MLXIP: variants seen among roughly 807,000 people sequenced by gnomAD.
MLXIP encodes the protein MLX-interacting protein.
In MLXIP, 30 loss-of-function variants were observed where a neutral mutation model predicts 87.2. The observed-to-expected ratio is 0.34, with a 90% CI of 0.26 to 0.47. The LOEUF is 0.47. Among genes scored for constraint, MLXIP ranks in the 20% least tolerant of loss-of-function variants. The pLI, the probability that MLXIP is intolerant of heterozygous loss-of-function variation, is 1.00. For missense variants in MLXIP, 1,002 were observed against 1,240.1 expected (o/e 0.81, Z 2.88); for synonymous variants, 530 against 514.0 (o/e 1.03, Z -0.42).
chr12:122,137,797 C>A lies in MLXIP; in HGVS notation c.2154+207C>A. 1 of 332,130 alleles carries A rather than the reference C, an allele frequency of 3.0e-6. No individual in the cohort carries two copies. The highest frequency in any genetic ancestry group is 4.3e-6 in the Non-Finnish European group (1 of 232,820). 20.6% of individuals were successfully genotyped at this position (332,130 alleles called of 1,614,324 possible). A position where few individuals can be genotyped will look rare whatever the true frequency, so the allele number is the denominator to read the frequency against. ...CCCCTGGAGGCTTTTGGGTGAGCCC[C>A]AAGCCTGGGAGCCAACGCTGAGTCC... is the stretch of plus-strand genomic sequence containing the variant. On this transcript the variant is annotated intron_variant, in intron 12 of 16. Coordinates refer to ENST00000319080, the MANE Select transcript of MLXIP (RefSeq NM_014938.6). The surrounding 1 kb of genome is among the most constrained non-coding windows in gnomAD (Gnocchi z 4.1).
intron 1 of MLXIP, among the ~76,000 whole-genome samples, chr12:122,101,951 A>G (rs1343328967): frequency 6.6e-6 from 1 of 152,166 alleles, no homozygotes; most frequent in African/African-American, 2.4e-5. Flanking sequence ...ATATTTGTAT[A>G]TGGTGTGAGG....
At chr12:122,092,322 C>G (rs1248224733) in intron 1 of MLXIP, among the ~76,000 whole-genome samples, 1 of 152,132 alleles carries the variant, frequency 6.6e-6, no homozygotes, top group Admixed American at 6.6e-5. Flanking sequence ...TGGTCTTGAA[C>G]TCCCAAGCTC....
intron 1 of MLXIP, among the ~76,000 whole-genome samples, chr12:122,092,544 A>T (rs2135907199): frequency 6.6e-6 from 1 of 152,250 alleles, no homozygotes; most frequent in Non-Finnish European, 1.5e-5. Flanking sequence ...GGAGACGGTT[A>T]GTTACTCTGA....
intron 7 of MLXIP, among the ~76,000 whole-genome samples, chr12:122,131,441 CTTTTTTTTTTTTTTTT>C (rs1174308802): frequency 1.3e-5 from 1 of 76,546 alleles, no homozygotes; most frequent in Non-Finnish European, 2.4e-5. Context: ...TTGTTTGAGT[CTTTTTTTTTTTTTTTT>C]TTTTTTTTTA....
At chr12:122,125,791 G>A (rs531687586) in intron 1 of MLXIP, among the ~76,000 whole-genome samples, 1 of 152,192 alleles carries the variant, frequency 6.6e-6, no homozygotes, top group South Asian at 2.1e-4. Flanking sequence ...ATTTTTCTGG[G>A]GGAGTCATAA....
chr12:122,104,376 A>T (rs1266086715), intron 1 of MLXIP, among the ~76,000 whole-genome samples: 1 of 152,134 alleles, frequency 6.6e-6, no homozygotes, highest in African/African-American at 2.4e-5. Flanking sequence ...TTGTATAAAT[A>T]GAATCAGACA....
intron 1 of MLXIP, among the ~76,000 whole-genome samples, chr12:122,100,285 G>A (rs187508268): frequency 1.3e-5 from 2 of 152,294 alleles, no homozygotes; most frequent in East Asian, 3.9e-4. Flanking sequence ...TGGGATTAAG[G>A]TTGGCTTGCT....
chr12:122,097,469 A>T (rs941451503), intron 1 of MLXIP, among the ~76,000 whole-genome samples: 7 of 151,728 alleles, frequency 4.6e-5, no homozygotes, highest in African/African-American at 1.7e-4. Flanking sequence ...AAAACTAAAA[A>T]ATTAGCCAGG....
chr12:122,146,512 G>A lies in MLXIP; in HGVS notation c.*4700G>A, dbSNP rs1953303432. The A allele has an allele frequency of 6.6e-6, 1 of 152,184 alleles. No homozygotes were observed. The highest frequency in any genetic ancestry group is 2.4e-5 in the African/African-American group (1 of 41,422). The allele number at this position is 152,184 out of a possible 1,614,324, so 9.4% of individuals were successfully genotyped here. A position where few individuals can be genotyped will look rare whatever the true frequency, so the allele number is the denominator to read the frequency against. ...TGTGGGCTTTTCATTCTGAGGTCTT[G>A]GCCCCCCTGGCCACCGCAAGGGACT... is the stretch of plus-strand genomic sequence containing the variant. On this transcript the variant is annotated 3_prime_UTR_variant, in exon 17 of 17. Coordinates refer to ENST00000319080, the MANE Select transcript of MLXIP (RefSeq NM_014938.6).
chr12:122,146,625 T>G lies in MLXIP; in HGVS notation c.*4813T>G, dbSNP rs552829816. 1 of 142,086 alleles carries G rather than the reference T, an allele frequency of 7.0e-6. No individual in the cohort carries two copies. The highest frequency in any genetic ancestry group is 2.5e-5 in the African/African-American group (1 of 40,518). 8.8% of individuals were successfully genotyped at this position (142,086 alleles called of 1,614,324 possible). A position where few individuals can be genotyped will look rare whatever the true frequency, so the allele number is the denominator to read the frequency against. ...AATGTTGACTTTGTGTGTATGCGTG[T>G]GTGTGTGTGTGTGTGCACGCGCGCG... On this transcript the variant is annotated 3_prime_UTR_variant, in exon 17 of 17. Coordinates refer to ENST00000319080, the MANE Select transcript of MLXIP (RefSeq NM_014938.6).
In MLXIP at chr12:122,135,445, G is replaced by A. The variant is rs375728484; in HGVS notation, c.1855-44G>A. 6.2e-7 allele frequency: 1 copy of A among 1,608,230 alleles called. No homozygotes were observed. Among genetic ancestry groups the A allele is most frequent in the African/African-American group, 1.3e-5 (1 of 74,882 alleles). The stretch of plus-strand genomic sequence containing the variant: ...GAGACGACTGGTGTGCCGCCCTGCT[G>A]TATATCAGCAGTCAGGGGTGACCTG... On this transcript the variant is annotated intron_variant, in intron 10 of 16. Coordinates refer to ENST00000319080, the MANE Select transcript of MLXIP (RefSeq NM_014938.6). This position sits in a 1 kb window ranked among gnomAD's most constrained non-coding sequence, Gnocchi z 5.3.
intron 1 of MLXIP, among the ~76,000 whole-genome samples, chr12:122,084,690 G>A (rs1278078743): frequency 6.6e-6 from 1 of 152,102 alleles, no homozygotes; most frequent in Non-Finnish European, 1.5e-5. Flanking sequence ...GGGATTACAG[G>A]TATGCATCAC....
chr12:122,095,747 T>G (rs943208503), intron 1 of MLXIP, among the ~76,000 whole-genome samples: 2 of 152,026 alleles, frequency 1.3e-5, no homozygotes, highest in Admixed American at 6.6e-5. Flanking sequence ...AAGAAAGAAA[T>G]AAAAATTACA....
Position 122,140,701 on chromosome 12 carries a change from T to C in MLXIP, c.2509-253T>C. 3 of 576,902 alleles carry C rather than the reference T, an allele frequency of 5.2e-6. No homozygotes were observed. In the South Asian group the frequency reaches 5.4e-5, roughly 10 times the overall value. 35.7% of individuals were successfully genotyped at this position (576,902 alleles called of 1,614,324 possible). A position where few individuals can be genotyped will look rare whatever the true frequency, so the allele number is the denominator to read the frequency against. ...AGGACCTGTTCCAGACTAGAGACCT[T>C]CTGTGTCCCTGTCCCCTGCCTGCTC... On this transcript the variant is annotated intron_variant, in intron 15 of 16. Transcript: ENST00000319080.
chr12:122,120,816 C>G (rs1469042834), intron 1 of MLXIP, among the ~76,000 whole-genome samples: 1 of 151,934 alleles, frequency 6.6e-6, no homozygotes, highest in African/African-American at 2.4e-5. Flanking sequence ...GTGAGATGCC[C>G]CACTCTACCT....
At position 122,141,907 on chromosome 12, in the gene MLXIP, C is replaced by T; in HGVS notation, c.*95C>T. The T allele has an allele frequency of 6.5e-7, 1 of 1,537,378 alleles. No homozygotes were observed. The highest frequency in any genetic ancestry group is 1.2e-5 in the South Asian group (1 of 82,168). The stretch of plus-strand genomic sequence containing the variant: ...CCCCCCAGCCCTTCCTGACGCTCAG[C>T]CTCGGGGCCTCTCTCCAACTCTGCC... On this transcript the variant is annotated 3_prime_UTR_variant, in exon 17 of 17. Transcript: ENST00000319080.
chr12:122,116,297 A>G (rs907738454), intron 1 of MLXIP, among the ~76,000 whole-genome samples: 24 of 150,892 alleles, frequency 1.6e-4, no homozygotes, highest in African/African-American at 5.9e-4. Context: ...TTTTAATTTT[A>G]TTATTATTAT....
intron 1 of MLXIP, among the ~76,000 whole-genome samples, chr12:122,103,080 T>C (rs1283804386): frequency 6.6e-6 from 1 of 152,190 alleles, no homozygotes; most frequent in African/African-American, 2.4e-5. Flanking sequence ...CACGGCTCTC[T>C]GCAGCCTCGA....
At chr12:122,096,232 C>T (rs897706524) in intron 1 of MLXIP, among the ~76,000 whole-genome samples, 2 of 152,164 alleles carry the variant, frequency 1.3e-5, no homozygotes, top group African/African-American at 4.8e-5. Flanking sequence ...TGTGCACCGC[C>T]ACACCCGGCT....
Sources: allele counts gnomAD v4.1 joint callset (sites outside exome capture counted in the v4.1 genomes callset), GRCh38; gene constraint gnomAD v4.1.1; non-coding constraint Gnocchi (gnomAD v3.1); transcripts MANE v1.5; gene names NCBI Gene and HGNC (gene_info 2026-07-23, HGNC 2026-07-21).